ATXN2: variants seen among roughly 807,000 people sequenced by gnomAD.
ATXN2 encodes ataxin-2.
In ATXN2, 37 loss-of-function variants were observed where a neutral mutation model predicts 138.6. The ratio of observed to expected loss-of-function variants is 0.27; its 90% CI spans 0.21 to 0.35. The LOEUF (loss-of-function observed/expected upper bound fraction) is 0.35, where lower values mean the gene tolerates loss of function less well. Ranked by LOEUF, ATXN2 falls within the 10% of genes least tolerant of loss-of-function variation. ATXN2 has a pLI of 1.00. For synonymous variants in ATXN2, 549 were observed against 543.7 expected (o/e 1.01, Z -0.13); for missense variants, 1,216 against 1,480.3 (o/e 0.82, Z 2.93).
chr12:111,529,235 G>A (rs1880672903), intron 5 of ATXN2, among the ~76,000 whole-genome samples: 1 of 152,136 alleles, frequency 6.6e-6, no homozygotes, highest in Non-Finnish European at 1.5e-5. Context: ...GCAACTGTGG[G>A]AATTTGCATG....
At chr12:111,556,220 T>A (rs1213611821) in intron 1 of ATXN2, among the ~76,000 whole-genome samples, 2 of 152,008 alleles carry the variant, frequency 1.3e-5, no homozygotes, top group Non-Finnish European at 2.9e-5. Flanking sequence ...AAACGTAAAT[T>A]AATAATAATT....
intron 14 of ATXN2, among the ~76,000 whole-genome samples, chr12:111,499,926 A>G (rs1305519698): frequency 1.3e-5 from 2 of 152,244 alleles, no homozygotes; most frequent in Non-Finnish European, 2.9e-5. Flanking sequence ...ATCTCACCCC[A>G]GTTAAAATGG....
At chr12:111,479,273 C>T (rs1044294004) in intron 18 of ATXN2, among the ~76,000 whole-genome samples, 4 of 150,902 alleles carry the variant, frequency 2.7e-5, no homozygotes, top group Non-Finnish European at 5.9e-5. Context: ...AATAAGCTGG[C>T]TGGGCACGGT....
intron 1 of ATXN2, among the ~76,000 whole-genome samples, chr12:111,562,292 G>C (rs779443167): frequency 2.8e-4 from 42 of 152,034 alleles, no homozygotes; most frequent in Non-Finnish European, 1.2e-4. Context: ...AAAACAGTCA[G>C]GTGTTATGCA....
At chr12:111,520,428 G>A (rs1421670542) in intron 7 of ATXN2, among the ~76,000 whole-genome samples, 1 of 152,094 alleles carries the variant, frequency 6.6e-6, no homozygotes, top group Non-Finnish European at 1.5e-5. Flanking sequence ...CGAGGCAGGT[G>A]GATCACGAGG....
At chr12:111,464,448 T>C (rs1315380803) in intron 21 of ATXN2, among the ~76,000 whole-genome samples, 3 of 145,502 alleles carry the variant, frequency 2.1e-5, no homozygotes, top group Non-Finnish European at 2.9e-5. Flanking sequence ...TATGCAAAAA[T>C]TGATTTCTGA....
intron 1 of ATXN2, among the ~76,000 whole-genome samples, chr12:111,595,440 G>C (rs560783702): frequency 6.6e-6 from 1 of 151,530 alleles, no homozygotes; most frequent in African/African-American, 2.4e-5. Flanking sequence ...TCGGTAGTAC[G>C]AGACCAAACT....
intron 21 of ATXN2, among the ~76,000 whole-genome samples, chr12:111,459,739 C>T (rs886247784): frequency 2.0e-5 from 3 of 147,676 alleles, no homozygotes; most frequent in Non-Finnish European, 4.5e-5. Context: ...TGCGCCCGGC[C>T]ATGTTTGTTT....
At chr12:111,529,921 T>A (rs570487266) in intron 5 of ATXN2, among the ~76,000 whole-genome samples, 1 of 152,158 alleles carries the variant, frequency 6.6e-6, no homozygotes, top group Non-Finnish European at 1.5e-5. Flanking sequence ...AGATTTAACA[T>A]CACAAACCCT....
chr12:111,553,604 A>AAATTTTTTTT (rs1882237738), intron 3 of ATXN2, among the ~76,000 whole-genome samples: 3 of 85,004 alleles, frequency 3.5e-5, no homozygotes, highest in East Asian at 9.5e-4. Flanking sequence ...AAAAAAAAAA[A>AAATTTTTTTT]TTTTTTTTTT....
chr12:111,599,103 C>A lies in ATXN2; in HGVS notation c.-69G>T. 7.7e-7 allele frequency: 1 copy of A among 1,294,968 alleles called. No individual in the cohort carries two copies. The highest frequency in any genetic ancestry group is 1.6e-5 in the African/African-American group (1 of 63,542). The allele number at this position is 1,294,968 out of a possible 1,614,324, so 80.2% of individuals were successfully genotyped here. A position where few individuals can be genotyped will look rare whatever the true frequency, so the allele number is the denominator to read the frequency against. Reference sequence around the variant, plus strand: ...CCGGGAGCCGGGCGCGCCAAGGAGACGCCGGAACGCGGCGGGGACGCGCGG... The same window carrying A: ...CCGGGAGCCGGGCGCGCCAAGGAGAAGCCGGAACGCGGCGGGGACGCGCGG... On this transcript the variant is annotated 5_prime_UTR_variant, in exon 1 of 25. Coordinates refer to ENST00000673436, the MANE Select transcript of ATXN2 (RefSeq NM_001372574.1).
chr12:111,490,880 T>C (rs918701226), intron 14 of ATXN2, among the ~76,000 whole-genome samples: 4 of 151,948 alleles, frequency 2.6e-5, no homozygotes, highest in East Asian at 1.9e-4. Context: ...GAAAGCAGCA[T>C]AGGACAGAAT....
chr12:111,455,484 C>T (rs912916254), intron 23 of ATXN2: 9 of 299,774 alleles, frequency 3.0e-5, no homozygotes, highest in African/African-American at 1.9e-4. Context: ...AGTTACACTG[C>T]ACCAATGTCC....
intron 1 of ATXN2, among the ~76,000 whole-genome samples, chr12:111,566,452 A>AG (rs1397264217): frequency 6.6e-6 from 1 of 151,240 alleles, no homozygotes; most frequent in Non-Finnish European, 1.5e-5. Context: ...AAAAAAGAAA[A>AG]AAAAAAAAAG....
intron 11 of ATXN2, chr12:111,512,527 T>TA (rs1429042185): frequency 2.0e-5 from 3 of 149,688 alleles, no homozygotes; most frequent in African/African-American, 7.4e-5. Flanking sequence ...TGATCTCAGC[T>TA]AACTGCAAGC....
chr12:111,535,107 CAG>C (rs1211841244), intron 5 of ATXN2, among the ~76,000 whole-genome samples: 1 of 152,266 alleles, frequency 6.6e-6, no homozygotes, highest in South Asian at 2.1e-4. Flanking sequence ...GTAGGGGTGA[CAG>C]AGAGAGACCC....
intron 14 of ATXN2, among the ~76,000 whole-genome samples, chr12:111,509,035 A>G (rs1879353225): frequency 6.6e-6 from 1 of 152,188 alleles, no homozygotes; most frequent in Non-Finnish European, 1.5e-5. Context: ...ATCTACCTCG[A>G]TACCTATAGT....
chr12:111,563,418 AAC>A (rs1882808830), intron 1 of ATXN2, among the ~76,000 whole-genome samples: 3 of 152,192 alleles, frequency 2.0e-5, no homozygotes, highest in South Asian at 2.1e-4. Context: ...TAAACAGAAT[AAC>A]AGTTTGACAC....
At chr12:111,518,794 T>C (rs527694974) in intron 8 of ATXN2, among the ~76,000 whole-genome samples, 61 of 152,292 alleles carry the variant, frequency 4.0e-4, no homozygotes, top group African/African-American at 1.4e-3. Flanking sequence ...TTCTTTGGTT[T>C]TTCATGGCTC....
Sources: gnomAD v4.1 joint callset for allele counts (sites outside exome capture counted in the v4.1 genomes callset) on GRCh38, gnomAD v4.1.1 for gene constraint, MANE v1.5 for transcripts, NCBI Gene and HGNC (gene_info 2026-07-23, HGNC 2026-07-21) for gene names.